The following MEFV variants were observed in gnomAD, a reference collection of about 807,000 sequenced individuals.
MEFV encodes the protein MEFV innate immunity regulator, pyrin.
MEFV carries 60 observed loss-of-function variants against 62.5 expected under a neutral mutation model. That is an observed-to-expected ratio of 0.96 (90% CI 0.78 to 1.19). The LOEUF is 1.19. MEFV is among the 50% of genes most tolerant of loss of function. The pLI is 0.00. For synonymous variants in MEFV, 500 were observed against 415.2 expected, an observed-to-expected ratio of 1.20 and a Z score of -2.48; for missense variants, 1,169 against 1,004.5, an observed-to-expected ratio of 1.16 and a Z score of -2.21.
chr16:3,246,936 C>G, intron 5 of MEFV, 80 bp downstream of exon 5: 5 of 1,366,120 alleles, frequency 3.7e-6, no homozygotes, highest in Middle Eastern at 1.8e-4. Flanking sequence ...TGTTCCAGCA[C>G]GGCTGATGGC....
Position 3,243,088 on chromosome 16 carries a change from G to A in MEFV, c.*53C>T. ...AGTCGGCATTCCGTGACTATTGAGT[G>A]TGAATGCAAGATACAAGGCCAGAAG... On this transcript the variant is annotated 3_prime_UTR_variant, in exon 10 of 10. Coordinates refer to ENST00000219596, the MANE Select transcript of MEFV (RefSeq NM_000243.3). 1 of 1,581,970 alleles carries A rather than the reference G, an allele frequency of 6.3e-7. No homozygotes were observed. The highest frequency in any genetic ancestry group is 8.7e-7 in the Non-Finnish European group (1 of 1,152,858).
intron 2 of MEFV, among the ~76,000 whole-genome samples, chr16:3,251,079 G>A (rs998910279): frequency 1.3e-5 from 2 of 149,534 alleles, no homozygotes; most frequent in Non-Finnish European, 3.0e-5. Context: ...TTTAGCCCCT[G>A]CTACCTCCTC....
intron 2 of MEFV, among the ~76,000 whole-genome samples, chr16:3,251,557 G>A (rs991109847): frequency 6.6e-6 from 1 of 152,162 alleles, no homozygotes; most frequent in Middle Eastern, 3.2e-3. Flanking sequence ...ACTGTTATTT[G>A]GGTGTTTCTA....
rs75542241 is a variant in MEFV at position 3,251,442 on chromosome 16, G to C, written c.911-1662C>G. Among the ~76,000 whole-genome samples the C allele has an allele frequency of 1.5e-4, 23 of 152,268 alleles. No homozygotes were observed. The East Asian group carries it at 3.1e-3, about 20-fold the overall frequency. On this transcript the variant is annotated intron_variant, in intron 2 of 9. Coordinates refer to ENST00000219596, the MANE Select transcript of MEFV (RefSeq NM_000243.3). The stretch of plus-strand genomic sequence containing the variant: ...AGAAGCTTGAGGACAAACTTGGTGG[G>C]ACAGAGCAACAGCAGGACCCCAGGG...
At chr16:3,245,498 G>A (rs1486364145) in intron 6 of MEFV, among the ~76,000 whole-genome samples, 1 of 152,142 alleles carries the variant, frequency 6.6e-6, no homozygotes, top group Non-Finnish European at 1.5e-5. Context: ...GCTGGGCATG[G>A]TGGCACGCTC....
chr16:3,251,023 CAAAAAAA>C (rs58529756), intron 2 of MEFV, among the ~76,000 whole-genome samples: 270 of 49,406 alleles, frequency 5.5e-3, no homozygotes, highest in African/African-American at 0.014. Flanking sequence ...GACTCCATCT[CAAAAAAA>C]AAAAAAAAAA....
At position 3,243,279 on chromosome 16, in the gene MEFV, G is replaced by A. The variant is rs2141664612; in HGVS notation, c.2208C>T (p.Ala736=). The A allele has an allele frequency of 3.1e-6, 5 of 1,614,144 alleles. No individual in the cohort carries two copies. The highest frequency in any genetic ancestry group is 4.2e-6 in the Non-Finnish European group (5 of 1,180,026). ...VGSISFYNVT[A]RSHIYTFASC... ...TGGCGAATGTATAGATGTGGGATCT[G>A]GCTGTCACATTGTAAAAGGAGATGC... Residue 736 remains alanine (A), a synonymous_variant, in exon 10 of 10, where the codon GCC becomes GCT. Transcript: ENST00000219596.
chr16:3,255,146 G>A (rs552880084), intron 1 of MEFV, among the ~76,000 whole-genome samples: 20 of 152,152 alleles, frequency 1.3e-4, no homozygotes, highest in African/African-American at 4.3e-4. Context: ...GCAAAACCCC[G>A]TTCCTACTAA....
Position 3,247,139 on chromosome 16 carries a change from GC to G in MEFV, c.1463del (p.Gly488AlafsTer25). On this transcript the variant is annotated frameshift_variant, in exon 5 of 10. Coordinates refer to ENST00000219596, the MANE Select transcript of MEFV (RefSeq NM_000243.3). LOFTEE classifies it high-confidence loss of function. ...HFFVASLEDVGQMVGQIRKAY... is the reference protein window; with the variant it reads ...HFFVASLEDVXQMVGQIRKAY... ...CCTTCCTGATCTGCCCAACCATCTG[GC>G]CCACGTCCTCCAGTGAGGCCACAAA... is the stretch of plus-strand genomic sequence containing the variant. 6.2e-7 allele frequency: 1 copy of G among 1,614,164 alleles called. No homozygotes were observed. Among genetic ancestry groups the G allele is most frequent in the South Asian group, 1.1e-5 (1 of 91,090 alleles).
chr16:3,250,153 C>T (rs567850244), intron 2 of MEFV, among the ~76,000 whole-genome samples: 2 of 152,322 alleles, frequency 1.3e-5, no homozygotes, highest in African/African-American at 4.8e-5. Context: ...CTGCCCATAA[C>T]GTGAGTGGAG....
In MEFV at chr16:3,254,478, C is replaced by G; in HGVS notation, c.590G>C (p.Gly197Ala). The G allele has an allele frequency of 6.3e-7, 1 of 1,593,036 alleles. No homozygotes were observed. The highest frequency in any genetic ancestry group is 8.5e-7 in the Non-Finnish European group (1 of 1,171,042). ...TCTGCGCAGCCGGACCTCGGCCTGG[C>G]CCCCCTCTAGCGCCCTGCAGGGGCC... ...SPGPCRALEG[G>A]QAEVRLRRNA... is the part of the protein sequence containing the mutation. Residue 197 changes from glycine (G) to alanine (A), a missense_variant, in exon 2 of 10, where the codon GGC becomes GCC. Physicochemically the swap from Gly to Ala is moderately conservative, Grantham distance 60. Transcript: ENST00000219596.
Position 3,254,323 on chromosome 16 carries a change from T to A in MEFV, c.745A>T (p.Thr249Ser), listed in dbSNP as rs764952529. ...RPRSLEVTIS[T>S]GEKAPANPEI... ...GGATTTGCGGGCGCCTTCTCCCCTG[T>A]AGAAATGGTGACCTCAAGGCTTCTA... The change falls in exon 2 of 10, where the codon ACA becomes TCA. Residue 249 changes from threonine to serine, a missense_variant. Transcript: ENST00000219596. 3 of 1,614,098 alleles carry A rather than the reference T, an allele frequency of 1.9e-6. No homozygotes were observed. In the South Asian group the frequency reaches 3.3e-5, roughly 18 times the overall value.
rs1303343711 is a variant in MEFV, at chr16:3,243,211, C to T, written c.2276G>A (p.Gly759Glu). ...SGPLQPIFSP[G>E]TRDGGKNTAP... ...TGTGTTCTTCCCTCCATCACGTGTC[C>T]CAGGGCTGAAGATAGGTTGAAGGGG... Residue 759 changes from glycine (G) to glutamate (E), a missense_variant, in exon 10 of 10, where the codon GGG becomes GAG. Physicochemically the swap from Gly to Glu is moderately conservative, Grantham distance 98. Coordinates refer to ENST00000219596, the MANE Select transcript of MEFV (RefSeq NM_000243.3). 1 of 1,613,932 alleles carries T rather than the reference C, an allele frequency of 6.2e-7. No homozygotes were observed. Among genetic ancestry groups the T allele is most frequent in the Non-Finnish European group, 8.5e-7 (1 of 1,180,038 alleles).
Position 3,254,637 on chromosome 16 carries a change from C to T in MEFV, c.431G>A (p.Cys144Tyr), listed in dbSNP as rs773320625. ...CCCCCTCCCGGCCTCGGGCTGGCTG[C>T]ACCGCAGGCTGGCAGCTCCGCCCCC... ...PYGGGAASLR[C>Y]SQPEAGRGLS... The change falls in exon 2 of 10, where the codon TGC (cysteine) becomes TAC (tyrosine). Residue 144 changes from cysteine to tyrosine, a missense_variant. Cys to Tyr is a radical substitution (Grantham distance 194, BLOSUM62 -2). Transcript: ENST00000219596. 7.5e-6 allele frequency: 12 copies of T among 1,607,072 alleles called. 1 individual carries two copies. Among genetic ancestry groups the T allele is most frequent in the Admixed American group, 6.7e-5 (4 of 59,710 alleles).
chr16:3,242,952 C>T lies in MEFV; in HGVS notation c.*189G>A. 1.5e-6 allele frequency: 1 copy of T among 659,758 alleles called. No homozygotes were observed. The highest frequency in any genetic ancestry group is 2.7e-6 in the Non-Finnish European group (1 of 374,022). The allele number at this position is 659,758 out of a possible 1,614,324, so 40.9% of individuals were successfully genotyped here. On this transcript the variant is annotated 3_prime_UTR_variant, in exon 10 of 10. Transcript: ENST00000219596. ...GTGTGTCATCAGTACATGTCTTCAC[C>T]CGGATTGACTAACATGTTCGTTCCT... is the stretch of plus-strand genomic sequence containing the variant.
intron 2 of MEFV, among the ~76,000 whole-genome samples, chr16:3,252,207 A>C (rs1332559162): frequency 6.6e-6 from 1 of 151,826 alleles, no homozygotes; most frequent in African/African-American, 2.4e-5. Flanking sequence ...TCTGGATTTG[A>C]AGACTCATGC....
Position 3,256,629 on chromosome 16 carries a change from G to A in MEFV, c.-42C>T, listed in dbSNP as rs1037681848. 2 of 1,613,348 alleles carry A rather than the reference G, an allele frequency of 1.2e-6. No homozygotes were observed. The highest frequency in any genetic ancestry group is 1.3e-5 in the African/African-American group (1 of 74,918). On this transcript the variant is annotated 5_prime_UTR_variant, in exon 1 of 10. Coordinates refer to ENST00000219596, the MANE Select transcript of MEFV (RefSeq NM_000243.3). ...GGCTCGAGCCAGCTGTCTGGCTTCT[G>A]GTAGGAAAAGAAGCCTCTGTCCTTG... is the stretch of plus-strand genomic sequence containing the variant.
Position 3,242,805 on chromosome 16 carries a change from T to C in MEFV, c.*336A>G. ...AGCAGAGAGAACAAGGGGACATATATCCTTGCCGTGGGGTTCTGAGGGAAA... is the reference window on the plus strand; with the variant it reads ...AGCAGAGAGAACAAGGGGACATATACCCTTGCCGTGGGGTTCTGAGGGAAA... On this transcript the variant is annotated 3_prime_UTR_variant, in exon 10 of 10. Coordinates refer to ENST00000219596, the MANE Select transcript of MEFV (RefSeq NM_000243.3). 7.5e-6 allele frequency: 3 copies of C among 402,532 alleles called. No individual in the cohort carries two copies. Among genetic ancestry groups the C allele is most frequent in the South Asian group, 6.5e-5 (3 of 46,354 alleles). 24.9% of individuals were successfully genotyped at this position (402,532 alleles called of 1,614,324 possible). A position where few individuals can be genotyped will look rare whatever the true frequency, so the allele number is the denominator to read the frequency against.
Position 3,256,619 on chromosome 16 carries a change from T to G in MEFV, c.-32A>C. On this transcript the variant is annotated 5_prime_UTR_variant, in exon 1 of 10. Transcript: ENST00000219596. Reference sequence around the variant, plus strand: ...GAGCAGGAGAGGCTCGAGCCAGCTGTCTGGCTTCTGGTAGGAAAAGAAGCC... The same window carrying G: ...GAGCAGGAGAGGCTCGAGCCAGCTGGCTGGCTTCTGGTAGGAAAAGAAGCC... 6.2e-7 allele frequency: 1 copy of G among 1,613,852 alleles called. No individual in the cohort carries two copies.
Sources: gnomAD v4.1 joint callset for allele counts (sites outside exome capture counted in the v4.1 genomes callset) on GRCh38, gnomAD v4.1.1 for gene constraint, MANE v1.5 for transcripts, NCBI Gene and HGNC (gene_info 2026-07-23, HGNC 2026-07-21) for gene names.